The following DRG2 variants were observed in gnomAD, a reference collection of about 807,000 sequenced individuals.
DRG2 encodes developmentally-regulated GTP-binding protein 2.
A neutral mutation model predicts 53.4 loss-of-function variants in DRG2; 36 were observed. The ratio of observed to expected loss-of-function variants is 0.67; its 90% CI spans 0.52 to 0.89. The LOEUF is 0.89. Ranked by LOEUF, DRG2 falls within the 40% of genes least tolerant of loss-of-function variation. The pLI, the probability that DRG2 is intolerant of heterozygous loss-of-function variation, is 0.00. For synonymous variants in DRG2, 167 were observed against 192.1 expected (o/e 0.87, Z 1.08); for missense variants, 342 against 481.2 (o/e 0.71, Z 2.71).
At chr17:18,088,233 G>T (rs2045250706) in intron 1 of DRG2, 146 bp downstream of exon 1, 1 of 1,035,412 alleles carries the variant, frequency 9.7e-7, no homozygotes. Context: ...CGCCCTGCGC[G>T]CCCAAGGCAG....
chr17:18,101,636 C>T, intron 8 of DRG2, 46 bp downstream of exon 8: 1 of 1,573,748 alleles, frequency 6.4e-7, no homozygotes, highest in Non-Finnish European at 8.7e-7. Context: ...GGCCTTTCTA[C>T]CACATGCATT....
chr17:18,089,143 T>TTTTG (rs1427549671), intron 1 of DRG2, among the ~76,000 whole-genome samples: 1 of 152,076 alleles, frequency 6.6e-6, no homozygotes, highest in South Asian at 2.1e-4. Flanking sequence ...TGTAAATCTT[T>TTTTG]TTTGTTTGTT....
rs1387090203 is a variant in DRG2 at position 18,107,159 on chromosome 17, C to T, written c.1014C>T (p.Thr338=). ...SQFKYALVWG[T]STKYSPQRVG... ...TGCCCCCATTCCTCACCCAGGGCAC[C>T]AGCACCAAGTACAGTCCGCAGCGGG... is the stretch of plus-strand genomic sequence containing the variant. Residue 338 remains threonine, a synonymous_variant, in exon 13 of 13, where the codon ACC becomes ACT. Transcript: ENST00000225729. The T allele has an allele frequency of 1.9e-6, 3 of 1,613,408 alleles. No individual in the cohort carries two copies. Among genetic ancestry groups the T allele is most frequent in the Non-Finnish European group, 2.5e-6 (3 of 1,179,956 alleles).
rs766041134 is a variant in DRG2, at chr17:18,100,600, C to T, written c.572C>T (p.Ser191Leu). 68 of 1,614,060 alleles carry T rather than the reference C, an allele frequency of 4.2e-5. No homozygotes were observed. Among genetic ancestry groups the T allele is most frequent in the South Asian group, 2.2e-5 (2 of 91,088 alleles). Residue 191 changes from serine to leucine, a missense_variant, in exon 7 of 13, where the codon TCG becomes TTG. By Grantham distance (145) the Ser-to-Leu change is moderately radical. Transcript: ENST00000225729. This position sits in a 1 kb window ranked among gnomAD's most constrained non-coding sequence, Gnocchi z 4.1. Reference sequence around the variant, plus strand: ...AAAGGTGGTGGCATCTCCTTTAACTCGACAGTCACGCTGACCCAGTGCTCG... The same window carrying T: ...AAAGGTGGTGGCATCTCCTTTAACTTGACAGTCACGCTGACCCAGTGCTCG... ...PKKGGGISFN[S>L]TVTLTQCSEK...
chr17:18,106,532 G>A (rs749183075), intron 12 of DRG2, 46 bp downstream of exon 12: 4 of 1,603,922 alleles, frequency 2.5e-6, no homozygotes, highest in Non-Finnish European at 3.4e-6. Flanking sequence ...ACCCAGGACA[G>A]CCCCTGGGTT....
At chr17:18,106,558 C>T in intron 12 of DRG2, 72 bp downstream of exon 12, 4 of 1,525,110 alleles carry the variant, frequency 2.6e-6, no homozygotes, top group Non-Finnish European at 3.6e-6. Flanking sequence ...TGAAGCAAGG[C>T]ATTCACACTC....
In DRG2 at chr17:18,103,702, TG is replaced by T. The variant is rs1254334315; in HGVS notation, c.807-97del. 3.5e-6 allele frequency: 4 copies of T among 1,134,566 alleles called. No individual in the cohort carries two copies. In the Admixed American group the frequency reaches 5.3e-5, roughly 15 times the overall value. The allele number at this position is 1,134,566 out of a possible 1,614,324, so 70.3% of individuals were successfully genotyped here. A position where few individuals can be genotyped will look rare whatever the true frequency, so the allele number is the denominator to read the frequency against. On this transcript the variant is annotated intron_variant, in intron 9 of 12. Transcript: ENST00000225729. This position sits in a 1 kb window ranked among gnomAD's most constrained non-coding sequence, Gnocchi z 4.4. The stretch of plus-strand genomic sequence containing the variant: ...TCCCTGTGGGTACCAGCGGGCCACC[TG>T]GCCAGTGGAGGTTATCCGCTCCAAT...
chr17:18,104,887 AGGGG>A (rs1482361867), intron 11 of DRG2, among the ~76,000 whole-genome samples: 1 of 152,054 alleles, frequency 6.6e-6, no homozygotes, highest in Non-Finnish European at 1.5e-5. Context: ...CTCTACTGTG[AGGGG>A]GGTGTGCTGC....
chr17:18,099,768 G>T lies in DRG2; in HGVS notation c.467+45G>T. The stretch of plus-strand genomic sequence containing the variant: ...GGGCAGGCTCACATGTCTGGGGAGG[G>T]CCAATGTGTCCCTGAGCTCGTACTA... On this transcript the variant is annotated intron_variant, in intron 5 of 12. Coordinates refer to ENST00000225729, the MANE Select transcript of DRG2 (RefSeq NM_001388.5). This position sits in a 1 kb window ranked among gnomAD's most constrained non-coding sequence, Gnocchi z 4.4. The T allele has an allele frequency of 6.4e-7, 1 of 1,557,854 alleles. No homozygotes were observed. The highest frequency in any genetic ancestry group is 1.4e-5 in the African/African-American group (1 of 73,940).
rs2045517062 is a variant in DRG2, at chr17:18,100,689, G to A, written c.631+30G>A. ...CCTTCCCTGAAAGACACGTGAAGGA[G>A]GGCAGCCACCACCGTCAGCGCAGCG... On this transcript the variant is annotated intron_variant, in intron 7 of 12. Coordinates refer to ENST00000225729, the MANE Select transcript of DRG2 (RefSeq NM_001388.5). The surrounding 1 kb of genome is among the most constrained non-coding windows in gnomAD (Gnocchi z 4.1). The A allele has an allele frequency of 3.8e-6, 6 of 1,594,498 alleles. No homozygotes were observed. In the Admixed American group the frequency reaches 5.2e-5, roughly 14 times the overall value.
In DRG2 at chr17:18,099,523, T is replaced by C. The variant is rs2045490736; in HGVS notation, c.377-110T>C. On this transcript the variant is annotated intron_variant, in intron 4 of 12. Transcript: ENST00000225729. This position sits in a 1 kb window ranked among gnomAD's most constrained non-coding sequence, Gnocchi z 4.4. The stretch of plus-strand genomic sequence containing the variant: ...GAAAAATGCCAAGCTTGTGCTAGTA[T>C]GTGGCAGAGGCTGTGGTAGGTCTGT... The C allele has an allele frequency of 1.8e-6, 2 of 1,089,414 alleles. No individual in the cohort carries two copies. Among genetic ancestry groups the C allele is most frequent in the Non-Finnish European group, 1.4e-6 (1 of 726,838 alleles). The allele number at this position is 1,089,414 out of a possible 1,614,324, so 67.5% of individuals were successfully genotyped here. A position where few individuals can be genotyped will look rare whatever the true frequency, so the allele number is the denominator to read the frequency against.
At position 18,107,273 on chromosome 17, in the gene DRG2, C is replaced by T. The variant is rs915836801; in HGVS notation, c.*33C>T. On this transcript the variant is annotated 3_prime_UTR_variant, in exon 13 of 13. Transcript: ENST00000225729. ...TGCCGGGCCTCCCGCCCACCTGCCT[C>T]GTCTCCCTGGGGAGGTGGTCCCACT... 5.0e-6 allele frequency: 8 copies of T among 1,604,066 alleles called. No homozygotes were observed. The highest frequency in any genetic ancestry group is 6.8e-6 in the Non-Finnish European group (8 of 1,174,068).
Position 18,093,805 on chromosome 17 carries a change from TC to T in DRG2, c.65-6del, listed in dbSNP as rs760326585. 4.8e-5 allele frequency: 78 copies of T among 1,613,004 alleles called. 2 individuals carry two copies. The South Asian group carries it at 7.1e-4, about 15-fold the overall frequency. On this transcript the variant is annotated splice_region_variant and splice_polypyrimidine_tract_variant and intron_variant, in intron 1 of 12. Transcript: ENST00000225729. Reference sequence around the variant, plus strand: ...CACTCATCTTCTGTCTTGCTTTCCATCCTTTAGCCACTGAGTATCATCTGGG... The same window carrying T: ...CACTCATCTTCTGTCTTGCTTTCCATCTTTAGCCACTGAGTATCATCTGGG...
At chr17:18,091,283 A>G (rs1436517800) in intron 1 of DRG2, among the ~76,000 whole-genome samples, 2 of 152,172 alleles carry the variant, frequency 1.3e-5, no homozygotes, top group Non-Finnish European at 2.9e-5. Flanking sequence ...TTATTCCACC[A>G]TCAAAAATCT....
chr17:18,107,176 C>T lies in DRG2; in HGVS notation c.1031C>T (p.Pro344Leu), dbSNP rs751959711. ...CAGGGCACCAGCACCAAGTACAGTC[C>T]GCAGCGGGTGGGCCTGACCCACACC... ...LVWGTSTKYS[P>L]QRVGLTHTME... is the part of the protein sequence containing the mutation. Residue 344 changes from proline to leucine, a missense_variant, in exon 13 of 13, where the codon CCG becomes CTG. Coordinates refer to ENST00000225729, the MANE Select transcript of DRG2 (RefSeq NM_001388.5). 2.0e-5 allele frequency: 32 copies of T among 1,613,338 alleles called. No individual in the cohort carries two copies. The highest frequency in any genetic ancestry group is 2.5e-5 in the Non-Finnish European group (30 of 1,180,004).
Position 18,098,299 on chromosome 17 carries a change from G to A in DRG2, c.255G>A (p.Thr85=), listed in dbSNP as rs540639306. Residue 85 remains threonine (T), a synonymous_variant, in exon 3 of 13, where the codon ACG becomes ACA. Transcript: ENST00000225729. This position sits in a 1 kb window ranked among gnomAD's most constrained non-coding sequence, Gnocchi z 4.1. ...CATTCTTGAGTCTGATGACCTCCACGGCCAGCGAGGCAGCGTCCTATGAGT... is the reference window on the plus strand; with the variant it reads ...CATTCTTGAGTCTGATGACCTCCACAGCCAGCGAGGCAGCGTCCTATGAGT... ...KSTFLSLMTS[T]ASEAASYEFT... is the part of the protein sequence containing the mutation. 5 of 1,613,984 alleles carry A rather than the reference G, an allele frequency of 3.1e-6. No homozygotes were observed. The East Asian group carries it at 6.7e-5, about 22-fold the overall frequency.
rs1282052260 is a variant in DRG2, at chr17:18,100,616, C to T, written c.588C>T (p.Thr196=). Residue 196 remains threonine (T), a synonymous_variant, in exon 7 of 13, where the codon ACC becomes ACT. Coordinates refer to ENST00000225729, the MANE Select transcript of DRG2 (RefSeq NM_001388.5). This position sits in a 1 kb window ranked among gnomAD's most constrained non-coding sequence, Gnocchi z 4.1. ...CCTTTAACTCGACAGTCACGCTGAC[C>T]CAGTGCTCGGAAAAGCTGGTGCAGC... ...GISFNSTVTL[T]QCSEKLVQLI... The T allele has an allele frequency of 2.5e-6, 4 of 1,614,052 alleles. No individual in the cohort carries two copies. The highest frequency in any genetic ancestry group is 3.4e-6 in the Non-Finnish European group (4 of 1,180,052).
At chr17:18,106,931 T>C (rs974011588) in intron 12 of DRG2, among the ~76,000 whole-genome samples, 1 of 152,152 alleles carries the variant, frequency 6.6e-6, no homozygotes, top group Non-Finnish European at 1.5e-5. Flanking sequence ...TCCTCCCACC[T>C]TGACCTCCAG....
At chr17:18,090,368 T>C (rs1422380124) in intron 1 of DRG2, among the ~76,000 whole-genome samples, 1 of 25,518 alleles carries the variant, frequency 3.9e-5, no homozygotes, top group Admixed American at 5.4e-4. Flanking sequence ...CCGGGCTAAT[T>C]TATATATATA....
Sources: gnomAD v4.1 joint callset for allele counts (sites outside exome capture counted in the v4.1 genomes callset) on GRCh38, gnomAD v4.1.1 for gene constraint, Gnocchi (gnomAD v3.1) non-coding constraint, MANE v1.5 for transcripts, NCBI Gene and HGNC (gene_info 2026-07-23, HGNC 2026-07-21) for gene names.